LAMB3: variants seen among roughly 807,000 people sequenced by gnomAD.
LAMB3 encodes the protein laminin subunit beta-3.
In LAMB3, 104 loss-of-function variants were observed where a neutral mutation model predicts 140.3. That is an observed-to-expected ratio of 0.74 (90% CI 0.63 to 0.87). The LOEUF (loss-of-function observed/expected upper bound fraction) is 0.87. Among genes scored for constraint, LAMB3 ranks in the 40% least tolerant of loss-of-function variants. LAMB3 has a pLI of 0.00. For synonymous variants in LAMB3, 592 were observed against 602.9 expected (o/e 0.98, Z 0.26); for missense variants, 1,531 against 1,575.2 (o/e 0.97, Z 0.47).
At chr1:209,635,361 C>T (rs1666859872) in intron 5 of LAMB3, among the ~76,000 whole-genome samples, 1 of 152,064 alleles carries the variant, frequency 6.6e-6, no homozygotes, top group South Asian at 2.1e-4. Context: ...TCCCCACGTT[C>T]ACTCTTACTC....
At position 209,629,861 on chromosome 1, in the gene LAMB3, C is replaced by G; in HGVS notation, c.1008G>C (p.Gln336His). The change falls in exon 10 of 23, where the codon CAG becomes CAC. Residue 336 changes from glutamine to histidine, a missense_variant. Transcript: ENST00000356082. ...TGTCACACACACCTCCATATGCCCC[C>G]TGGCTGGCGGCAAACACAGCGGGGT... ...HFDPAVFAAS[Q>H]GAYGGVCDNC... 1 of 1,614,242 alleles carries G rather than the reference C, an allele frequency of 6.2e-7. No homozygotes were observed. The highest frequency in any genetic ancestry group is 8.5e-7 in the Non-Finnish European group (1 of 1,180,034).
Position 209,615,166 on chromosome 1 carries a change from G to C in LAMB3, c.*105C>G, listed in dbSNP as rs1665905212. On this transcript the variant is annotated 3_prime_UTR_variant, in exon 23 of 23. Coordinates refer to ENST00000356082, the MANE Select transcript of LAMB3 (RefSeq NM_000228.3). ...AGGGGTGGTCCAGGCTGTACTTTAGGCTGCATGAAAGTCTCCTGGAGATGG... is the reference window on the plus strand; with the variant it reads ...AGGGGTGGTCCAGGCTGTACTTTAGCCTGCATGAAAGTCTCCTGGAGATGG... 9 of 1,467,674 alleles carry C rather than the reference G, an allele frequency of 6.1e-6. No individual in the cohort carries two copies. The highest frequency in any genetic ancestry group is 1.2e-5 in the South Asian group (1 of 86,110). 90.9% of individuals were successfully genotyped at this position (1,467,674 alleles called of 1,614,324 possible). A position where few individuals can be genotyped will look rare whatever the true frequency, so the allele number is the denominator to read the frequency against.
In LAMB3 at chr1:209,627,392, C is replaced by G. The variant is rs1376547185; in HGVS notation, c.1476G>C (p.Gln492His). ...CACCCTCACTTCGTACCTGGTTGCA[C>G]TGTGGGCTGAGGGAGTTGTGCGGGT... Reference protein sequence around the residue: ...ACDPHNSLSPQCNQFTGQCPC... With the variant: ...ACDPHNSLSPHCNQFTGQCPC... The change falls in exon 12 of 23, where the codon CAG becomes CAC. Residue 492 changes from glutamine (Q) to histidine (H), a missense_variant. By Grantham distance (24) the Gln-to-His change is conservative. Coordinates refer to ENST00000356082, the MANE Select transcript of LAMB3 (RefSeq NM_000228.3). 2.5e-6 allele frequency: 4 copies of G among 1,613,266 alleles called. No individual in the cohort carries two copies. In the Admixed American group the frequency reaches 6.7e-5, roughly 27 times the overall value.
At chr1:209,639,550 G>T (rs1016908658) in intron 3 of LAMB3, among the ~76,000 whole-genome samples, 10 of 152,290 alleles carry the variant, frequency 6.6e-5, no homozygotes, top group African/African-American at 2.4e-4. Context: ...GGATCACCAA[G>T]AAAAAGAGCA....
Position 209,622,592 on chromosome 1 carries a change from T to G in LAMB3, c.2645A>C (p.Glu882Ala), listed in dbSNP as rs1460016019. The change falls in exon 18 of 23, where the codon GAG (glutamate) becomes GCG (alanine). Residue 882 changes from glutamate to alanine, a missense_variant. Physicochemically the swap from Glu to Ala is moderately radical, Grantham distance 107. Transcript: ENST00000356082. ...GAGCCGTGTGCGTCTGACATCTTCC[T>G]CCATCTGGGAGCGGCTGGCGCTCAC... is the stretch of plus-strand genomic sequence containing the variant. Reference protein sequence around the residue: ...TQVSASRSQMEEDVRRTRLLI... With the variant: ...TQVSASRSQMAEDVRRTRLLI... The G allele has an allele frequency of 6.2e-7, 1 of 1,614,076 alleles. No individual in the cohort carries two copies. The highest frequency in any genetic ancestry group is 8.5e-7 in the Non-Finnish European group (1 of 1,179,996).
chr1:209,639,780 A>G (rs2076449732), intron 3 of LAMB3, among the ~76,000 whole-genome samples: 1 of 152,170 alleles, frequency 6.6e-6, no homozygotes, highest in Non-Finnish European at 1.5e-5. Flanking sequence ...AGCTTAAACC[A>G]TACTGTCCAG....
At position 209,632,816 on chromosome 1, in the gene LAMB3, T is replaced by C. The variant is rs1291853855; in HGVS notation, c.629-40A>G. The C allele has an allele frequency of 2.5e-6, 4 of 1,594,354 alleles. No homozygotes were observed. The African/African-American group carries it at 4.0e-5, about 16-fold the overall frequency. ...CAGCAAGGAGGGAAGAGTTGGAGAATGGAAAATAAAGAAAGGAAGTTAGAG... is the reference window on the plus strand; with the variant it reads ...CAGCAAGGAGGGAAGAGTTGGAGAACGGAAAATAAAGAAAGGAAGTTAGAG... On this transcript the variant is annotated intron_variant, in intron 7 of 22. Transcript: ENST00000356082.
intron 5 of LAMB3, 92 bp from the exon 6 acceptor site, chr1:209,634,730 G>T (rs895155314): frequency 9.5e-7 from 1 of 1,054,418 alleles, no homozygotes; most frequent in Non-Finnish European, 1.4e-6. Context: ...CAGTGAACTC[G>T]GGAGAAAGGG....
chr1:209,618,474 G>C lies in LAMB3; in HGVS notation c.2887C>G (p.Gln963Glu). The change falls in exon 19 of 23, where the codon CAG becomes GAG. Residue 963 changes from glutamine to glutamate, a missense_variant. Physicochemically the swap from Gln to Glu is conservative, Grantham distance 29. Coordinates refer to ENST00000356082, the MANE Select transcript of LAMB3 (RefSeq NM_000228.3). ...TACCTGGCTTCCTCAGCCTCAGCCT[G>C]CAACCGGCGGGCACGCGCAATGTCC... is the stretch of plus-strand genomic sequence containing the variant. ...KQDIARARRL[Q>E]AEAEEARSRA... The C allele has an allele frequency of 6.2e-7, 1 of 1,614,112 alleles. No homozygotes were observed. The highest frequency in any genetic ancestry group is 8.5e-7 in the Non-Finnish European group (1 of 1,180,042).
intron 3 of LAMB3, among the ~76,000 whole-genome samples, chr1:209,639,630 C>T (rs55996356): frequency 3.6e-3 from 1 of 280 alleles, no homozygotes; most frequent in East Asian, 0.1. Context: ...CACATACACA[C>T]ACACACACAC....
At chr1:209,649,337 CT>C (rs2076544725) in intron 3 of LAMB3, among the ~76,000 whole-genome samples, 1 of 152,178 alleles carries the variant, frequency 6.6e-6, no homozygotes, top group Non-Finnish European at 1.5e-5. Context: ...AGATTCCCCC[CT>C]GTTGAGGGCA....
intron 3 of LAMB3, among the ~76,000 whole-genome samples, chr1:209,642,058 C>T (rs2076473567): frequency 6.6e-6 from 1 of 152,132 alleles, no homozygotes; most frequent in Non-Finnish European, 1.5e-5. Flanking sequence ...TTCCCTGGGC[C>T]ATGGGACAAG....
At chr1:209,648,502 C>T (rs2076536588) in intron 3 of LAMB3, among the ~76,000 whole-genome samples, 1 of 152,144 alleles carries the variant, frequency 6.6e-6, no homozygotes, top group Non-Finnish European at 1.5e-5. Context: ...TATCCATCCC[C>T]AGGGTTGCAA....
At chr1:209,630,229 C>T (rs988641229) in intron 9 of LAMB3, among the ~76,000 whole-genome samples, 2 of 152,156 alleles carry the variant, frequency 1.3e-5, no homozygotes, top group African/African-American at 4.8e-5. Context: ...CTCCCACTGC[C>T]AACACTGGTC....
At chr1:209,642,288 T>C (rs2076475745) in intron 3 of LAMB3, among the ~76,000 whole-genome samples, 1 of 152,188 alleles carries the variant, frequency 6.6e-6, no homozygotes, top group Non-Finnish European at 1.5e-5. Context: ...TTTAAAGGAA[T>C]GTAAAGTATT....
chr1:209,648,394 T>G (rs2076535510), intron 3 of LAMB3, among the ~76,000 whole-genome samples: 1 of 152,236 alleles, frequency 6.6e-6, no homozygotes, highest in South Asian at 2.1e-4. Flanking sequence ...CTATCCTCTA[T>G]TCTTTCCAAA....
At position 209,625,674 on chromosome 1, in the gene LAMB3, C is replaced by T; in HGVS notation, c.1950G>A (p.Gln650=). 2 of 1,614,132 alleles carry T rather than the reference C, an allele frequency of 1.2e-6. No homozygotes were observed. Among genetic ancestry groups the T allele is most frequent in the Non-Finnish European group, 1.7e-6 (2 of 1,180,036 alleles). Residue 650 remains glutamine (Q), a synonymous_variant, in exon 14 of 23, where the codon CAG becomes CAA. Coordinates refer to ENST00000356082, the MANE Select transcript of LAMB3 (RefSeq NM_000228.3). ...SPAVTEQEVA[Q]VASAILSLRR... ...TGAGGGAGAGGATGGCACTGGCCACCTGAGCCACCTCCTGCTCTGTGACTG... is the reference window on the plus strand; with the variant it reads ...TGAGGGAGAGGATGGCACTGGCCACTTGAGCCACCTCCTGCTCTGTGACTG...
intron 3 of LAMB3, among the ~76,000 whole-genome samples, chr1:209,639,666 C>T (rs75661030): frequency 0.026 from 3,938 of 152,172 alleles, 96 homozygotes; most frequent in East Asian, 0.12. Flanking sequence ...CATGCGCACA[C>T]GCACACACAC....
intron 5 of LAMB3, among the ~76,000 whole-genome samples, chr1:209,635,039 G>A (rs1027304838): frequency 5.3e-5 from 8 of 151,700 alleles, no homozygotes; most frequent in African/African-American, 1.9e-4. Flanking sequence ...TCACCAGAGA[G>A]CTCTTCCTGG....
Sources: allele counts gnomAD v4.1 joint callset (sites outside exome capture counted in the v4.1 genomes callset), GRCh38; gene constraint gnomAD v4.1.1; transcripts MANE v1.5; gene names NCBI Gene and HGNC (gene_info 2026-07-23, HGNC 2026-07-21).